Variants in PRKG1 observed in about 807,000 individuals in gnomAD.
The protein encoded by PRKG1 is protein kinase cGMP-dependent 1.
PRKG1 carries 35 observed loss-of-function variants against 88.1 expected under a neutral mutation model. The observed-to-expected ratio is 0.40, with a 90% CI of 0.30 to 0.53. PRKG1 has a LOEUF of 0.53. Among genes scored for constraint, PRKG1 ranks in the 20% least tolerant of loss-of-function variants. The pLI, the probability that PRKG1 is intolerant of heterozygous loss-of-function variation, is 0.59. For synonymous variants in PRKG1, 303 were observed against 292.5 expected, an observed-to-expected ratio of 1.04 and a Z score of -0.37; for missense variants, 540 against 839.8, an observed-to-expected ratio of 0.64 and a Z score of 4.41.
intron 4 of PRKG1, among the ~76,000 whole-genome samples, chr10:51,854,426 A>G (rs1840630572): frequency 2.0e-5 from 3 of 152,166 alleles, no homozygotes; most frequent in Admixed American, 2.0e-4. Context: ...TTCACATGAT[A>G]ATGTCACCCT....
intron 4 of PRKG1, among the ~76,000 whole-genome samples, chr10:51,890,218 C>A (rs1841683895): frequency 6.6e-6 from 1 of 152,180 alleles, no homozygotes; most frequent in Non-Finnish European, 1.5e-5. Flanking sequence ...TTTAATCCAT[C>A]TTGAATTAAT....
At chr10:51,478,630 C>T (rs1369946591) in intron 3 of PRKG1, among the ~76,000 whole-genome samples, 3 of 151,140 alleles carry the variant, frequency 2.0e-5, no homozygotes, top group Non-Finnish European at 4.4e-5. Context: ...CTTTTATTGT[C>T]GTTTAATACT....
At chr10:52,272,632 C>G in intron 12 of PRKG1, 151 bp downstream of exon 12, 1 of 633,770 alleles carries the variant, frequency 1.6e-6, no homozygotes, top group Non-Finnish European at 2.7e-6. Flanking sequence ...GGGCATAACC[C>G]ACTATACACA....
chr10:51,987,851 G>T (rs1196887120), intron 5 of PRKG1, among the ~76,000 whole-genome samples: 1 of 151,932 alleles, frequency 6.6e-6, no homozygotes, highest in Admixed American at 6.6e-5. Context: ...TCAAGAAAAC[G>T]GCCACAAGGA....
intron 4 of PRKG1, among the ~76,000 whole-genome samples, chr10:51,904,249 A>G (rs1842040065): frequency 6.6e-6 from 1 of 152,010 alleles, no homozygotes; most frequent in East Asian, 1.9e-4. Flanking sequence ...TTTTTTGCAT[A>G]ACTGAAAATA....
At position 51,172,260 on chromosome 10, in the gene PRKG1, G is replaced by A. The variant is rs934939045; in HGVS notation, c.478+18930G>A. Among the ~76,000 whole-genome samples, 24 of 151,960 alleles carry A rather than the reference G, an allele frequency of 1.6e-4. 1 individual carries two copies. Among genetic ancestry groups the A allele is most frequent in the East Asian group, 1.2e-3 (6 of 5,170 alleles). On this transcript the variant is annotated intron_variant, in intron 2 of 17. Coordinates refer to ENST00000373980, the MANE Select transcript of PRKG1 (RefSeq NM_006258.4). Reference sequence around the variant, plus strand: ...TAAGCTGAATGCTGCTGCTGTCTTCGTAGTACTATTTAGCTTAAAAATTAG... The same window carrying A: ...TAAGCTGAATGCTGCTGCTGTCTTCATAGTACTATTTAGCTTAAAAATTAG...
At chr10:51,426,825 G>A (rs1000218834) in intron 2 of PRKG1, among the ~76,000 whole-genome samples, 8 of 152,192 alleles carry the variant, frequency 5.3e-5, no homozygotes, top group African/African-American at 1.9e-4. Context: ...AAATACAGGT[G>A]ATTTGTGCAA....
chr10:52,135,769 G>A (rs776375771), intron 8 of PRKG1, among the ~76,000 whole-genome samples: 2 of 152,084 alleles, frequency 1.3e-5, no homozygotes, highest in Non-Finnish European at 2.9e-5. Flanking sequence ...GTAGGAGACA[G>A]GAAATGTGGG....
chr10:51,560,503 TG>T (rs887789200), intron 3 of PRKG1, among the ~76,000 whole-genome samples: 22 of 152,048 alleles, frequency 1.4e-4, no homozygotes, highest in African/African-American at 5.1e-4. Context: ...TCTAATTTTT[TG>T]AAAAAACTTT....
At chr10:51,802,555 C>G (rs1178116226) in intron 3 of PRKG1, among the ~76,000 whole-genome samples, 1 of 152,042 alleles carries the variant, frequency 6.6e-6, no homozygotes, top group South Asian at 2.1e-4. Context: ...TGCAGGTGAA[C>G]TTCATGTACA....
intron 5 of PRKG1, among the ~76,000 whole-genome samples, chr10:51,921,589 C>T (rs1239355838): frequency 3.9e-5 from 6 of 152,110 alleles, no homozygotes; most frequent in Middle Eastern, 6.8e-3. Flanking sequence ...AAACTTACCC[C>T]TATTCTTAGT....
At chr10:51,279,668 C>T (rs554732765) in intron 2 of PRKG1, among the ~76,000 whole-genome samples, 1 of 152,084 alleles carries the variant, frequency 6.6e-6, no homozygotes, top group Non-Finnish European at 1.5e-5. Flanking sequence ...TGTTGGTTTA[C>T]AGTCTGTTTT....
chr10:51,077,763 A>G (rs1367541734), intron 1 of PRKG1, among the ~76,000 whole-genome samples: 2 of 152,190 alleles, frequency 1.3e-5, no homozygotes, highest in Admixed American at 1.3e-4. Context: ...TACAATACTT[A>G]TGTGAAGGAA....
chr10:51,855,567 G>A (rs562886848), intron 4 of PRKG1, among the ~76,000 whole-genome samples: 3 of 152,252 alleles, frequency 2.0e-5, no homozygotes, highest in South Asian at 2.1e-4. Flanking sequence ...CATTTGGCAA[G>A]CATGAAATTG....
intron 2 of PRKG1, among the ~76,000 whole-genome samples, chr10:51,422,305 G>T (rs1008199707): frequency 6.6e-6 from 1 of 152,216 alleles, no homozygotes; most frequent in African/African-American, 2.4e-5. Flanking sequence ...GCACTGTGAG[G>T]TTTCTGTAAG....
intron 4 of PRKG1, among the ~76,000 whole-genome samples, chr10:51,874,111 G>A (rs10999872): frequency 0.13 from 20,481 of 152,182 alleles, 1,626 homozygotes; most frequent in Admixed American, 0.19. Context: ...TGGCAGGCAG[G>A]CATATTCACT....
intron 5 of PRKG1, among the ~76,000 whole-genome samples, chr10:51,925,820 T>G (rs1337405283): frequency 3.3e-5 from 5 of 152,138 alleles, no homozygotes; most frequent in African/African-American, 1.2e-4. Context: ...TGTGACTTTA[T>G]TTTTCTTATG....
chr10:51,966,366 T>G (rs1042565039), intron 5 of PRKG1, among the ~76,000 whole-genome samples: 1 of 152,186 alleles, frequency 6.6e-6, no homozygotes, highest in South Asian at 2.1e-4. Flanking sequence ...TGTGGAACAC[T>G]TTCTTACATA....
At chr10:51,027,304 T>C (rs1269148616) in intron 1 of PRKG1, among the ~76,000 whole-genome samples, 1 of 152,216 alleles carries the variant, frequency 6.6e-6, no homozygotes, top group Admixed American at 6.5e-5. Context: ...TAAATTGATA[T>C]CTGTATCACT....
Sources: allele counts gnomAD v4.1 joint callset (sites outside exome capture counted in the v4.1 genomes callset), GRCh38; gene constraint gnomAD v4.1.1; transcripts MANE v1.5; gene names NCBI Gene and HGNC (gene_info 2026-07-23, HGNC 2026-07-21).